FBH1: variants seen among roughly 807,000 people sequenced by gnomAD.
FBH1 encodes the protein DNA 3'-5' helicase 1.
In FBH1, 43 loss-of-function variants were observed where a neutral mutation model predicts 115.5. The ratio of observed to expected loss-of-function variants is 0.37; its 90% CI spans 0.29 to 0.48. FBH1 has a LOEUF of 0.48. FBH1 is among the 20% of genes least tolerant of loss of function. The probability of loss-of-function intolerance (pLI) is 0.99; values close to 1 mark genes in which losing one functional copy is unlikely to be tolerated. For missense variants in FBH1, 1,001 were observed against 1,337.3 expected, an observed-to-expected ratio of 0.75 and a Z score of 3.92; for synonymous variants, 524 against 507.8, an observed-to-expected ratio of 1.03 and a Z score of -0.43.
chr10:5,930,586 G>A (rs916823588), intron 19 of FBH1, among the ~76,000 whole-genome samples: 3 of 152,154 alleles, frequency 2.0e-5, no homozygotes, highest in South Asian at 2.1e-4. Context: ...GCTTTGCCTC[G>A]TCACATGAGG....
chr10:5,933,272 C>G lies in FBH1; in HGVS notation c.2830-3184C>G, dbSNP rs1192538058. Among the ~76,000 whole-genome samples the G allele has an allele frequency of 6.6e-6, 1 of 152,132 alleles. No homozygotes were observed. The highest frequency in any genetic ancestry group is 1.5e-5 in the Non-Finnish European group (1 of 68,018). Reference sequence around the variant, plus strand: ...GTGTAGTGGCGTATGCCTGTAATCCCAGCTACTCAGGAGGCTGAGGCAGGA... The same window carrying G: ...GTGTAGTGGCGTATGCCTGTAATCCGAGCTACTCAGGAGGCTGAGGCAGGA... On this transcript the variant is annotated intron_variant, in intron 19 of 20. Coordinates refer to ENST00000362091, the MANE Select transcript of FBH1 (RefSeq NM_178150.3). This position sits in a 1 kb window ranked among gnomAD's most constrained non-coding sequence, Gnocchi z 4.9.
At chr10:5,892,847 C>A (rs1050623526) in intron 1 of FBH1, among the ~76,000 whole-genome samples, 9 of 152,204 alleles carry the variant, frequency 5.9e-5, no homozygotes, top group African/African-American at 2.2e-4. Flanking sequence ...TTCTTATGCA[C>A]CTGCAGGGTC....
rs1444718158 is a variant in FBH1, at chr10:5,923,441, A to T, written c.2323-180A>T. 6 of 568,892 alleles carry T rather than the reference A, an allele frequency of 1.1e-5. No individual in the cohort carries two copies. In the East Asian group the frequency reaches 1.2e-4, roughly 12 times the overall value. 35.2% of individuals were successfully genotyped at this position (568,892 alleles called of 1,614,324 possible). A position where few individuals can be genotyped will look rare whatever the true frequency, so the allele number is the denominator to read the frequency against. Reference sequence around the variant, plus strand: ...GTGGCAGCCTTGCGCTTTCTGCTTCATGAAGTTTCCTGCTTGCCGCCTGTG... The same window carrying T: ...GTGGCAGCCTTGCGCTTTCTGCTTCTTGAAGTTTCCTGCTTGCCGCCTGTG... On this transcript the variant is annotated intron_variant, in intron 15 of 20. Transcript: ENST00000362091. The surrounding 1 kb of genome is among the most constrained non-coding windows in gnomAD (Gnocchi z 5.7).
At chr10:5,904,580 G>C (rs901897552) in intron 2 of FBH1, among the ~76,000 whole-genome samples, 13 of 152,184 alleles carry the variant, frequency 8.5e-5, no homozygotes, top group Non-Finnish European at 2.9e-5. Flanking sequence ...ATTTGGCTGG[G>C]AGCAGTAGCT....
chr10:5,891,511 C>T (rs771336687), intron 1 of FBH1, among the ~76,000 whole-genome samples: 9 of 152,190 alleles, frequency 5.9e-5, no homozygotes, highest in Non-Finnish European at 8.8e-5. Flanking sequence ...TTACCCCTGC[C>T]CCTCTCCCAG....
rs757263127 is a variant in FBH1 at position 5,932,069 on chromosome 10, C to T, written c.2830-4387C>T. Among the ~76,000 whole-genome samples the T allele has an allele frequency of 3.9e-5, 6 of 152,208 alleles. No individual in the cohort carries two copies. The highest frequency in any genetic ancestry group is 5.9e-5 in the Non-Finnish European group (4 of 68,034). The stretch of plus-strand genomic sequence containing the variant: ...GGCTGAGGTGGGAGAATCGCGTGAA[C>T]CCAGGAGGCGGAGATTGCAGTGAGC... On this transcript the variant is annotated intron_variant, in intron 19 of 20. Transcript: ENST00000362091. The surrounding 1 kb of genome is among the most constrained non-coding windows in gnomAD (Gnocchi z 5.9).
intron 1 of FBH1, among the ~76,000 whole-genome samples, chr10:5,901,405 G>A (rs555152220): frequency 2.1e-4 from 32 of 151,752 alleles, no homozygotes; most frequent in Non-Finnish European, 2.2e-4. Flanking sequence ...TGATCCACCC[G>A]CCTCGGCCTC....
chr10:5,927,334 G>T, intron 18 of FBH1, 101 bp from the exon 19 acceptor site: 2 of 783,814 alleles, frequency 2.6e-6, no homozygotes, highest in East Asian at 2.8e-5. Context: ...GGTTTTCTGC[G>T]GGGAATGGGT....
At position 5,925,299 on chromosome 10, in the gene FBH1, T is replaced by C. The variant is rs1324230906; in HGVS notation, c.2597-68T>C. ...AGTTCAGAGTCAAGTGGGAAACATG[T>C]ATGTTTTTGTCATCTTGTTTCTTTC... On this transcript the variant is annotated intron_variant, in intron 17 of 20. Coordinates refer to ENST00000362091, the MANE Select transcript of FBH1 (RefSeq NM_178150.3). This position sits in a 1 kb window ranked among gnomAD's most constrained non-coding sequence, Gnocchi z 4.6. 1.3e-6 allele frequency: 2 copies of C among 1,573,204 alleles called. No individual in the cohort carries two copies. The highest frequency in any genetic ancestry group is 1.2e-5 in the South Asian group (1 of 86,738).
intron 19 of FBH1, among the ~76,000 whole-genome samples, chr10:5,930,029 A>G (rs1197181792): frequency 1.3e-5 from 2 of 152,156 alleles, no homozygotes; most frequent in Non-Finnish European, 2.9e-5. Context: ...ATCTCACAAC[A>G]TGGGCTACAC....
At position 5,913,503 on chromosome 10, in the gene FBH1, G is replaced by T. The variant is rs541736936; in HGVS notation, c.1212-244G>T. ...GCGCCCCTCATTCCCTGAAGAGCCC[G>T]TCCTGGTCTCTTCCTCCTCTTGGAG... On this transcript the variant is annotated intron_variant, in intron 6 of 20. Coordinates refer to ENST00000362091, the MANE Select transcript of FBH1 (RefSeq NM_178150.3). The surrounding 1 kb of genome is among the most constrained non-coding windows in gnomAD (Gnocchi z 4.4). 6.6e-5 allele frequency among the ~76,000 whole-genome samples: 10 copies of T among 152,178 alleles called. No homozygotes were observed. The South Asian group carries it at 2.1e-3, about 32-fold the overall frequency.
intron 1 of FBH1, among the ~76,000 whole-genome samples, chr10:5,892,126 G>A (rs1842767731): frequency 6.6e-6 from 1 of 152,222 alleles, no homozygotes; most frequent in African/African-American, 2.4e-5. Context: ...GCTAATGGAT[G>A]GAGCTGTTTC....
chr10:5,934,771 T>C (rs1269911657), intron 19 of FBH1: 1 of 152,298 alleles, frequency 6.6e-6, no homozygotes, highest in Non-Finnish European at 1.5e-5. Flanking sequence ...TGGAGTGCAG[T>C]GGCACGATCT....
chr10:5,932,723 T>C lies in FBH1; in HGVS notation c.2830-3733T>C, dbSNP rs1341792898. 6.6e-6 allele frequency among the ~76,000 whole-genome samples: 1 copy of C among 152,090 alleles called. No individual in the cohort carries two copies. The highest frequency in any genetic ancestry group is 1.5e-5 in the Non-Finnish European group (1 of 68,024). On this transcript the variant is annotated intron_variant, in intron 19 of 20. Coordinates refer to ENST00000362091, the MANE Select transcript of FBH1 (RefSeq NM_178150.3). This position sits in a 1 kb window ranked among gnomAD's most constrained non-coding sequence, Gnocchi z 5.9. ...AGTGTGACTTTTCTGTTGTTTTGTT[T>C]TGTTTTGTTTTTGAGACAAGGCCTG...
At chr10:5,898,961 G>A (rs943749751) in intron 1 of FBH1, among the ~76,000 whole-genome samples, 2 of 152,216 alleles carry the variant, frequency 1.3e-5, no homozygotes, top group Non-Finnish European at 2.9e-5. Flanking sequence ...CGTTGTTACA[G>A]TGAGGTGGCT....
chr10:5,917,089 A>C lies in FBH1; in HGVS notation c.1789-331A>C. 3.7e-6 allele frequency: 1 copy of C among 268,920 alleles called. No homozygotes were observed. The highest frequency in any genetic ancestry group is 7.2e-6 in the Non-Finnish European group (1 of 138,414). 16.7% of individuals were successfully genotyped at this position (268,920 alleles called of 1,614,324 possible). On this transcript the variant is annotated intron_variant, in intron 10 of 20. Coordinates refer to ENST00000362091, the MANE Select transcript of FBH1 (RefSeq NM_178150.3). This position sits in a 1 kb window ranked among gnomAD's most constrained non-coding sequence, Gnocchi z 5.6. ...GAAAGTCTGTTTCTTTTTTTCATCA[A>C]GTCTTTTCAATCATGTGCCATTGTT...
intron 2 of FBH1, among the ~76,000 whole-genome samples, chr10:5,905,676 G>A (rs1843647398): frequency 3.9e-5 from 6 of 152,180 alleles, no homozygotes; most frequent in Admixed American, 3.9e-4. Context: ...TGGGAGCGGG[G>A]CACTTTGTGA....
At chr10:5,898,132 C>T (rs999982181) in intron 1 of FBH1, among the ~76,000 whole-genome samples, 4 of 152,238 alleles carry the variant, frequency 2.6e-5, no homozygotes, top group African/African-American at 9.6e-5. Flanking sequence ...CGTGTGCTGC[C>T]TCAGTCCATT....
At chr10:5,902,993 T>TTTC (rs1843449268) in intron 1 of FBH1, 27 bp from the exon 2 acceptor site, 1 of 1,581,026 alleles carries the variant, frequency 6.3e-7, no homozygotes, top group Admixed American at 1.8e-5. Context: ...GAATATCCCC[T>TTTC]TTCTTCTACC....
Sources: allele counts gnomAD v4.1 joint callset (sites outside exome capture counted in the v4.1 genomes callset), GRCh38; gene constraint gnomAD v4.1.1; non-coding constraint Gnocchi (gnomAD v3.1); transcripts MANE v1.5; gene names NCBI Gene and HGNC (gene_info 2026-07-23, HGNC 2026-07-21).